RAB11FIP4: variants seen among roughly 807,000 people sequenced by gnomAD.
RAB11FIP4 encodes the protein rab11 family-interacting protein 4.
RAB11FIP4 carries 23 observed loss-of-function variants against 74.3 expected under a neutral mutation model. That is an observed-to-expected ratio of 0.31 (90% confidence interval 0.22 to 0.44). RAB11FIP4 has a LOEUF of 0.44. RAB11FIP4 is among the 20% of genes least tolerant of loss of function. The pLI is 1.00. For synonymous variants in RAB11FIP4, 360 were observed against 359.9 expected (o/e 1.00, Z 0.00); for missense variants, 630 against 863.9 (o/e 0.73, Z 3.39).
intron 3 of RAB11FIP4, chr17:31,509,491 A>AG (rs1475043573): frequency 1.3e-5 from 2 of 152,330 alleles, no homozygotes; most frequent in Non-Finnish European, 2.9e-5. Flanking sequence ...GGTGAGTTTC[A>AG]GGAGGTGGAT....
chr17:31,459,360 TGGG>T (rs1385080374), intron 3 of RAB11FIP4, among the ~76,000 whole-genome samples: 1 of 152,124 alleles, frequency 6.6e-6, no homozygotes, highest in Admixed American at 6.6e-5. Context: ...ATTTATAAAA[TGGG>T]GGTAAAATGC....
At chr17:31,521,680 T>C (rs1195315173) in intron 5 of RAB11FIP4, among the ~76,000 whole-genome samples, 3 of 152,142 alleles carry the variant, frequency 2.0e-5, no homozygotes, top group African/African-American at 7.2e-5. Flanking sequence ...GAGTCACCAC[T>C]TTCTCTGAAA....
chr17:31,457,096 C>T (rs988443904), intron 3 of RAB11FIP4, among the ~76,000 whole-genome samples: 1 of 152,128 alleles, frequency 6.6e-6, no homozygotes, highest in African/African-American at 2.4e-5. Flanking sequence ...TAGTGAGTTG[C>T]TCAGGTGAGG....
At chr17:31,467,100 T>TTTCTA (rs1384973810) in intron 3 of RAB11FIP4, among the ~76,000 whole-genome samples, 1 of 28,418 alleles carries the variant, frequency 3.5e-5, no homozygotes, top group Admixed American at 2.9e-4. Flanking sequence ...TGAGTATTTC[T>TTTCTA]TTCTTTTCTT....
chr17:31,505,093 G>A (rs925678130), intron 3 of RAB11FIP4, among the ~76,000 whole-genome samples: 9 of 152,014 alleles, frequency 5.9e-5, no homozygotes, highest in Non-Finnish European at 1.5e-5. Flanking sequence ...TAGGCATCGC[G>A]TTGGGAGGCC....
chr17:31,494,491 A>G (rs906611119), intron 3 of RAB11FIP4, among the ~76,000 whole-genome samples: 1 of 152,142 alleles, frequency 6.6e-6, no homozygotes, highest in African/African-American at 2.4e-5. Context: ...CTTCGCACCT[A>G]ACAGAATGTC....
intron 3 of RAB11FIP4, among the ~76,000 whole-genome samples, chr17:31,435,123 C>G (rs1281097990): frequency 6.6e-6 from 1 of 152,168 alleles, no homozygotes; most frequent in African/African-American, 2.4e-5. Context: ...TAGTTTGAGA[C>G]TTCAGTGAGC....
chr17:31,458,259 A>G (rs1015127221), intron 3 of RAB11FIP4, among the ~76,000 whole-genome samples: 1 of 152,000 alleles, frequency 6.6e-6, no homozygotes, highest in Non-Finnish European at 1.5e-5. Flanking sequence ...CCTCCACCCC[A>G]TCCCTGGAGG....
chr17:31,427,027 C>G (rs1012584911), intron 1 of RAB11FIP4, among the ~76,000 whole-genome samples: 1 of 151,790 alleles, frequency 6.6e-6, no homozygotes, highest in African/African-American at 2.4e-5. Context: ...GGCACAATCT[C>G]GGCTCACTGC....
intron 3 of RAB11FIP4, among the ~76,000 whole-genome samples, chr17:31,444,006 C>G (rs2071428282): frequency 6.6e-6 from 1 of 152,182 alleles, no homozygotes; most frequent in Non-Finnish European, 1.5e-5. Context: ...TCAGAAGGGG[C>G]TTTGCCAAAC....
In RAB11FIP4 at chr17:31,453,810, A is replaced by AG. The variant is rs1276841770; in HGVS notation, c.336+19688_336+19689insG. 4.0e-3 allele frequency among the ~76,000 whole-genome samples: 597 copies of AG among 150,550 alleles called. 2 individuals are homozygous for AG. The highest frequency in any genetic ancestry group is 0.014 in the African/African-American group (545 of 40,338). The stretch of plus-strand genomic sequence containing the variant: ...CTCGTCTCAAAAAAAAAAAAAAAAA[A>AG]AAAGAAAGAAAAGAAAAGAAAGTGC... On this transcript the variant is annotated intron_variant, in intron 3 of 14. Transcript: ENST00000621161.
At chr17:31,487,753 C>G (rs901618478) in intron 3 of RAB11FIP4, among the ~76,000 whole-genome samples, 1 of 152,112 alleles carries the variant, frequency 6.6e-6, no homozygotes, top group Non-Finnish European at 1.5e-5. Flanking sequence ...GCCTACCTGG[C>G]AGGGGCGCGA....
intron 3 of RAB11FIP4, among the ~76,000 whole-genome samples, chr17:31,469,913 G>A (rs1421653272): frequency 6.6e-6 from 1 of 152,196 alleles, no homozygotes; most frequent in African/African-American, 2.4e-5. Flanking sequence ...CGGAGACCCA[G>A]GCAAGAGTGG....
intron 13 of RAB11FIP4, 127 bp downstream of exon 13, chr17:31,528,905 C>A: frequency 9.0e-7 from 1 of 1,112,636 alleles, no homozygotes; most frequent in Non-Finnish European, 1.3e-6. Flanking sequence ...TTCTCAGCAA[C>A]CTGTTTGCCA....
chr17:31,510,763 T>C (rs1251643263), intron 3 of RAB11FIP4, among the ~76,000 whole-genome samples: 2 of 152,058 alleles, frequency 1.3e-5, no homozygotes, highest in Non-Finnish European at 2.9e-5. Flanking sequence ...TGCAGCCCAG[T>C]GAGCCACGGT....
chr17:31,408,597 CTT>C (rs370967948), intron 1 of RAB11FIP4, among the ~76,000 whole-genome samples: 1 of 152,188 alleles, frequency 6.6e-6, no homozygotes, highest in African/African-American at 2.4e-5. Flanking sequence ...TGGTTGATGA[CTT>C]TGCATTTCCT....
At chr17:31,408,174 T>G (rs1175519099) in intron 1 of RAB11FIP4, among the ~76,000 whole-genome samples, 1 of 152,252 alleles carries the variant, frequency 6.6e-6, no homozygotes. Flanking sequence ...GCATTATGAC[T>G]TGGAATAATG....
At position 31,528,718 on chromosome 17, in the gene RAB11FIP4, C is replaced by T. The variant is rs1446493048; in HGVS notation, c.1593C>T (p.Gly531=). The change falls in exon 13 of 15, where the codon GGC becomes GGT. Residue 531 remains glycine, a synonymous_variant. Transcript: ENST00000621161. Reference sequence around the variant, plus strand: ...GCCGCAGTGCCTCCTCTGGCCTAGGCGAGTTCAATGCCAGGGCCCGCGAGG... The same window carrying T: ...GCCGCAGTGCCTCCTCTGGCCTAGGTGAGTTCAATGCCAGGGCCCGCGAGG... ...GRGRSASSGL[G]EFNARAREVE... The T allele has an allele frequency of 5.0e-6, 8 of 1,611,904 alleles. No homozygotes were observed. The highest frequency in any genetic ancestry group is 6.8e-6 in the Non-Finnish European group (8 of 1,179,588).
chr17:31,517,194 GGGGGGGGGCGGT>G lies in RAB11FIP4; in HGVS notation c.337-445_337-434del, dbSNP rs2072570602. On this transcript the variant is annotated intron_variant, in intron 3 of 14. Transcript: ENST00000621161. ...GTTGGGGGGCGAGGAGGCGGTGCGG[GGGGGGGGGCGGT>G]GGGGGGGGCGGGGGGGAAGGGGATG... Among the ~76,000 whole-genome samples, 7 of 58,776 alleles carry G rather than the reference GGGGGGGGGCGGT, an allele frequency of 1.2e-4. 1 individual carries two copies. The highest frequency in any genetic ancestry group is 3.6e-4 in the Admixed American group (2 of 5,530). 38.6% of individuals were successfully genotyped at this position (58,776 alleles called of 152,430 possible). A position where few individuals can be genotyped will look rare whatever the true frequency, so the allele number is the denominator to read the frequency against.
Sources: allele counts gnomAD v4.1 joint callset (sites outside exome capture counted in the v4.1 genomes callset), GRCh38; gene constraint gnomAD v4.1.1; transcripts MANE v1.5; gene names NCBI Gene and HGNC (gene_info 2026-07-23, HGNC 2026-07-21).